Variants in MAP3K1 observed in about 807,000 individuals in gnomAD.
MAP3K1 encodes mitogen-activated protein kinase kinase kinase 1, also known as MAP/ERK kinase kinase 1.
Under a neutral mutation model 144.2 loss-of-function variants are expected in MAP3K1, and 36 were observed. The ratio of observed to expected loss-of-function variants is 0.25; its 90% CI spans 0.19 to 0.33. MAP3K1 has a LOEUF of 0.33. Ranked by LOEUF, MAP3K1 falls within the 10% of genes least tolerant of loss-of-function variation. MAP3K1 has a pLI of 1.00. For missense variants in MAP3K1, 1,650 were observed against 1,881.9 expected (o/e 0.88, Z 2.28); for synonymous variants, 718 against 688.7 (o/e 1.04, Z -0.67).
intron 1 of MAP3K1, among the ~76,000 whole-genome samples, chr5:56,827,610 T>C (rs888393397): frequency 2.0e-5 from 3 of 152,114 alleles, no homozygotes; most frequent in Non-Finnish European, 2.9e-5. Flanking sequence ...ACGCCCGTAA[T>C]CCCAGTACTT....
chr5:56,861,274 G>A (rs1451531471), intron 3 of MAP3K1, among the ~76,000 whole-genome samples: 2 of 152,070 alleles, frequency 1.3e-5, no homozygotes, highest in Non-Finnish European at 2.9e-5. Flanking sequence ...TAGTACCAAA[G>A]AATATTCATC....
intron 1 of MAP3K1, among the ~76,000 whole-genome samples, chr5:56,854,174 G>A (rs919697857): frequency 3.3e-5 from 5 of 151,898 alleles, no homozygotes; most frequent in African/African-American, 1.2e-4. Flanking sequence ...GCCAAATGTG[G>A]TGTAATCCCA....
rs189598611 is a variant in MAP3K1 at position 56,867,503 on chromosome 5, C to T, written c.1301+1526C>T. On this transcript the variant is annotated intron_variant, in intron 6 of 19. Transcript: ENST00000399503. ...AAATGAAGGGCATAAAGAGAATATC[C>T]ACCAAAAAAGAATTTTAAGGGGCTA... Among the ~76,000 whole-genome samples the T allele has an allele frequency of 1.2e-4, 18 of 151,858 alleles. No homozygotes were observed. The East Asian group carries it at 3.1e-3, about 26-fold the overall frequency.
chr5:56,840,804 T>A (rs989038764), intron 1 of MAP3K1, among the ~76,000 whole-genome samples: 1 of 152,130 alleles, frequency 6.6e-6, no homozygotes, highest in African/African-American at 2.4e-5. Flanking sequence ...CATGTCTCAT[T>A]TCAGGCTACT....
intron 1 of MAP3K1, among the ~76,000 whole-genome samples, chr5:56,816,407 A>C (rs1486754106): frequency 4.0e-5 from 6 of 151,418 alleles, no homozygotes; most frequent in African/African-American, 1.5e-4. Context: ...GGGGCGGGGC[A>C]CGGCCCTGCG....
intron 11 of MAP3K1, among the ~76,000 whole-genome samples, chr5:56,879,844 CAAG>C (rs1251775001): frequency 2.6e-5 from 4 of 152,196 alleles, no homozygotes; most frequent in African/African-American, 9.6e-5. Context: ...TCTTGGTTAG[CAAG>C]AAGTGTTGAA....
In MAP3K1 at chr5:56,816,033, T is replaced by A; in HGVS notation, c.460T>A (p.Ser154Thr). Reference sequence around the variant, plus strand: ...GAAGCGGGCGCCCGCCGCCGAGCCGTCTCCTGCAGCGGCCCCCGCCGGGTG... The same window carrying A: ...GAAGCGGGCGCCCGCCGCCGAGCCGACTCCTGCAGCGGCCCCCGCCGGGTG... ...GEKRAPAAEP[S>T]PAAAPAGREM... The change falls in exon 1 of 20, where the codon TCT becomes ACT. Residue 154 changes from serine to threonine, a missense_variant. By Grantham distance (58) the Ser-to-Thr change is moderately conservative. Coordinates refer to ENST00000399503, the MANE Select transcript of MAP3K1 (RefSeq NM_005921.2). The A allele has an allele frequency of 8.2e-7, 1 of 1,217,262 alleles. No individual in the cohort carries two copies. The allele number at this position is 1,217,262 out of a possible 1,614,324, so 75.4% of individuals were successfully genotyped here.
At chr5:56,816,105 G>A (rs987318042) in intron 1 of MAP3K1, 50 bp downstream of exon 1, 5 of 1,194,552 alleles carry the variant, frequency 4.2e-6, no homozygotes, top group South Asian at 4.3e-5. Context: ...GCGGGCAGAG[G>A]GCAATGAATG....
At chr5:56,844,469 G>A (rs1360610946) in intron 1 of MAP3K1, among the ~76,000 whole-genome samples, 1 of 151,962 alleles carries the variant, frequency 6.6e-6, no homozygotes, top group Non-Finnish European at 1.5e-5. Context: ...GTGAGCCACC[G>A]TGCCCGGCCT....
rs370555882 is a variant in MAP3K1, at chr5:56,879,027, G to A, written c.2013G>A (p.Ala671=). 2.2e-4 allele frequency: 352 copies of A among 1,613,856 alleles called. 2 individuals carry two copies. The highest frequency in any genetic ancestry group is 2.6e-4 in the South Asian group (24 of 91,090). ...TATATACTCCTTGCCACAGTTTAGC[G>A]GAAAGAATCAAACTTCAGAGACTTC... ...MLVYTPCHSL[A]ERIKLQRLLQ... Residue 671 remains alanine (A), a synonymous_variant, in exon 11 of 20, where the codon GCG becomes GCA. Coordinates refer to ENST00000399503, the MANE Select transcript of MAP3K1 (RefSeq NM_005921.2).
At chr5:56,871,669 A>T (rs971760661) in intron 6 of MAP3K1, among the ~76,000 whole-genome samples, 5 of 152,142 alleles carry the variant, frequency 3.3e-5, no homozygotes, top group Non-Finnish European at 7.4e-5. Context: ...CAGTCTGTGT[A>T]TTGAATTGTT....
Position 56,856,759 on chromosome 5 carries a change from C to T in MAP3K1, c.633+9C>T. ...ATAGGCGAGGGCCTGTGGTAAGTGG[C>T]TATGGGTTACCAGTTATAAGGAAGA... is the stretch of plus-strand genomic sequence containing the variant. On this transcript the variant is annotated intron_variant, in intron 2 of 19. Transcript: ENST00000399503. The T allele has an allele frequency of 6.2e-7, 1 of 1,613,586 alleles. No homozygotes were observed. Among genetic ancestry groups the T allele is most frequent in the Non-Finnish European group, 8.5e-7 (1 of 1,179,644 alleles).
At chr5:56,827,468 G>A (rs1341850672) in intron 1 of MAP3K1, among the ~76,000 whole-genome samples, 1 of 152,196 alleles carries the variant, frequency 6.6e-6, no homozygotes, top group Admixed American at 6.5e-5. Flanking sequence ...TCACAGATTG[G>A]GAAGTGTTCT....
At chr5:56,874,414 C>T (rs551988589) in intron 9 of MAP3K1, among the ~76,000 whole-genome samples, 37 of 152,256 alleles carry the variant, frequency 2.4e-4, no homozygotes, top group South Asian at 1.2e-3. Context: ...CTACATTTAT[C>T]CTTTGCTTAC....
chr5:56,854,432 CAAAA>C (rs10647091), intron 1 of MAP3K1, among the ~76,000 whole-genome samples: 4 of 85,320 alleles, frequency 4.7e-5, no homozygotes, highest in African/African-American at 2.0e-4. Flanking sequence ...AACTCCATCT[CAAAA>C]AAAAAAAAAA....
chr5:56,883,443 TGAATAA>T, intron 14 of MAP3K1, 78 bp from the exon 15 acceptor site: 2 of 1,365,022 alleles, frequency 1.5e-6, no homozygotes, highest in Non-Finnish European at 2.1e-6. Flanking sequence ...GAAGCCAGAC[TGAATAA>T]GAATAATATC....
At chr5:56,873,607 C>T (rs1747926867) in intron 9 of MAP3K1, among the ~76,000 whole-genome samples, 1 of 152,028 alleles carries the variant, frequency 6.6e-6, no homozygotes, top group Admixed American at 6.5e-5. Context: ...TTGTTGAATG[C>T]TCAGTCTATT....
In MAP3K1 at chr5:56,866,011, C is replaced by T. The variant is rs191214731; in HGVS notation, c.1301+34C>T. The T allele has an allele frequency of 8.9e-5, 136 of 1,521,138 alleles. 1 individual carries two copies. In the African/African-American group the frequency reaches 1.8e-3, roughly 20 times the overall value. 94.2% of individuals were successfully genotyped at this position (1,521,138 alleles called of 1,614,324 possible). ...TTTTTAAGGATTTCAAACATTAATC[C>T]AGTGTTACTTTTAATTTTAGGGGTA... On this transcript the variant is annotated intron_variant, in intron 6 of 19. Transcript: ENST00000399503.
rs1158207302 is a variant in MAP3K1, at chr5:56,815,879, G to A, written c.306G>A (p.Gly102=). ...SPEPADAAGS[G]TGFQPVAVPP... ...AGCCCGCGGACGCAGCGGGGAGTGG[G>A]ACCGGCTTCCAGCCTGTGGCGGTGC... Residue 102 remains glycine, a synonymous_variant, in exon 1 of 20, where the codon GGG becomes GGA. Coordinates refer to ENST00000399503, the MANE Select transcript of MAP3K1 (RefSeq NM_005921.2). The A allele has an allele frequency of 2.9e-6, 4 of 1,378,944 alleles. No individual in the cohort carries two copies. The African/African-American group carries it at 4.5e-5, about 15-fold the overall frequency. 85.4% of individuals were successfully genotyped at this position (1,378,944 alleles called of 1,614,324 possible).
Sources: gnomAD v4.1 joint callset for allele counts (sites outside exome capture counted in the v4.1 genomes callset) on GRCh38, gnomAD v4.1.1 for gene constraint, MANE v1.5 for transcripts, NCBI Gene and HGNC (gene_info 2026-07-23, HGNC 2026-07-21) for gene names.